PPARG: variants seen among roughly 807,000 people sequenced by gnomAD.
PPARG encodes the protein peroxisome proliferator-activated receptor gamma.
A neutral mutation model predicts 39.2 loss-of-function variants in PPARG; 17 were observed. The ratio of observed to expected loss-of-function variants is 0.43; its 90% CI spans 0.30 to 0.65. PPARG has a LOEUF of 0.65. PPARG is among the 30% of genes least tolerant of loss of function. PPARG has a pLI of 0.13. For synonymous variants in PPARG, 223 were observed against 215.7 expected (o/e 1.03, Z -0.30); for missense variants, 406 against 585.9 (o/e 0.69, Z 3.17).
chr3:12,305,767 G>A (rs186461300), intron 1 of PPARG: 1 of 152,276 alleles, frequency 6.6e-6, no homozygotes, highest in African/African-American at 2.4e-5. Flanking sequence ...TACTCATTAA[G>A]GTAACTTAGT....
Position 12,381,360 on chromosome 3 carries a change from T to G in PPARG, c.259T>G (p.Ser87Ala), listed in dbSNP as rs755081984. ...KVEPASPPYY[S>A]EKTQLYNKPH... ...GGAGCCTGCATCTCCACCTTATTAT[T>G]CTGAGAAGACTCAGCTCTACAATAA... The change falls in exon 4 of 8, where the codon TCT becomes GCT. Residue 87 changes from serine to alanine, a missense_variant. This residue lies in a region of PPARG where 131 missense variants were observed against 127.9 expected (regional missense o/e 1.02). Coordinates refer to ENST00000651735, the MANE Select transcript of PPARG (RefSeq NM_138711.6). The G allele has an allele frequency of 2.5e-6, 4 of 1,613,428 alleles. No individual in the cohort carries two copies. The South Asian group carries it at 4.4e-5, about 18-fold the overall frequency.
In PPARG at chr3:12,300,538, C is replaced by T. The variant is rs114954808; in HGVS notation, c.-83+11404C>T. Among the ~76,000 whole-genome samples, 1,433 of 151,278 alleles carry T rather than the reference C, an allele frequency of 9.5e-3. 20 individuals are homozygous for T. Among genetic ancestry groups the T allele is most frequent in the African/African-American group, 0.029 (1,217 of 41,316 alleles). ...TAAATGTCAGGTTGACTTTCTTTGT[C>T]CTATAACTTGTGTATGAAATATTTA... On this transcript the variant is annotated intron_variant, in intron 1 of 7. Coordinates refer to ENST00000651735, the MANE Select transcript of PPARG (RefSeq NM_138711.6).
At chr3:12,329,399 A>G (rs13082177) in intron 2 of PPARG, among the ~76,000 whole-genome samples, 3,375 of 152,326 alleles carry the variant, frequency 0.022, 56 homozygotes, top group Middle Eastern at 0.041. Context: ...TAAGGTTTGT[A>G]TGGCATGATA....
intron 2 of PPARG, among the ~76,000 whole-genome samples, chr3:12,350,687 C>A (rs538502834): frequency 2.2e-4 from 34 of 152,298 alleles, no homozygotes; most frequent in African/African-American, 7.9e-4. Context: ...TCCTCGCCAA[C>A]CTAACAGCGT....
intron 6 of PPARG, among the ~76,000 whole-genome samples, chr3:12,407,920 C>T (rs1016553996): frequency 2.6e-5 from 4 of 152,114 alleles, no homozygotes; most frequent in Non-Finnish European, 4.4e-5. Context: ...TTGTTAGGTT[C>T]GAGCCACATG....
chr3:12,430,297 T>C (rs942119312), intron 7 of PPARG, among the ~76,000 whole-genome samples: 2 of 152,236 alleles, frequency 1.3e-5, no homozygotes, highest in Admixed American at 1.3e-4. Context: ...TTCTCGCTCA[T>C]TAACTCAGTC....
upstream of PPARG, among the ~76,000 whole-genome samples, chr3:12,288,628 CA>C: frequency 6.6e-6 from 1 of 151,886 alleles, no homozygotes; most frequent in South Asian, 2.1e-4. Context: ...GTCCAGAGCC[CA>C]GGGGCGACCG....
At chr3:12,405,062 A>G (rs1047423542) in intron 5 of PPARG, among the ~76,000 whole-genome samples, 1 of 152,226 alleles carries the variant, frequency 6.6e-6, no homozygotes, top group African/African-American at 2.4e-5. Context: ...GTGTGTTCCC[A>G]AAGGAACATG....
intron 5 of PPARG, among the ~76,000 whole-genome samples, chr3:12,400,495 G>C (rs1463829248): frequency 6.6e-6 from 1 of 152,220 alleles, no homozygotes; most frequent in Non-Finnish European, 1.5e-5. Flanking sequence ...TTTCCCAGAA[G>C]TTAATGAGTC....
intron 2 of PPARG, among the ~76,000 whole-genome samples, chr3:12,320,683 T>C (rs2047517845): frequency 6.6e-6 from 1 of 152,122 alleles, no homozygotes; most frequent in Non-Finnish European, 1.5e-5. Context: ...GAGACCAGCG[T>C]AAGCAACATA....
chr3:12,397,521 C>A (rs1419564092), intron 5 of PPARG, among the ~76,000 whole-genome samples: 1 of 151,458 alleles, frequency 6.6e-6, no homozygotes, highest in African/African-American at 2.4e-5. Flanking sequence ...CACCATTCTC[C>A]TGCCTCACCC....
At chr3:12,316,509 A>G (rs558574686) in intron 2 of PPARG, among the ~76,000 whole-genome samples, 22 of 152,268 alleles carry the variant, frequency 1.4e-4, no homozygotes, top group African/African-American at 5.3e-4. Context: ...ATCCTGGAGA[A>G]TGGTTACACA....
intron 4 of PPARG, among the ~76,000 whole-genome samples, chr3:12,384,365 G>A (rs904763906): frequency 3.3e-5 from 5 of 152,006 alleles, no homozygotes; most frequent in Admixed American, 6.6e-5. Flanking sequence ...TTTATTCGGC[G>A]TAAAGATATA....
At chr3:12,369,831 A>G (rs1241721417) in intron 2 of PPARG, among the ~76,000 whole-genome samples, 1 of 152,150 alleles carries the variant, frequency 6.6e-6, no homozygotes, top group Non-Finnish European at 1.5e-5. Flanking sequence ...ATTTCTTGCT[A>G]TGTACTCATC....
chr3:12,414,287 G>A (rs1175582512), intron 6 of PPARG, among the ~76,000 whole-genome samples: 1 of 152,116 alleles, frequency 6.6e-6, no homozygotes, highest in Non-Finnish European at 1.5e-5. Flanking sequence ...CTTTTCAGGT[G>A]TCCAGATCAT....
intron 2 of PPARG, among the ~76,000 whole-genome samples, chr3:12,370,611 A>G (rs1407983149): frequency 2.6e-5 from 4 of 152,224 alleles, no homozygotes; most frequent in African/African-American, 9.6e-5. Flanking sequence ...TCCATCACAT[A>G]TTAAGCTCCT....
chr3:12,356,515 G>A (rs1488240499), intron 2 of PPARG, among the ~76,000 whole-genome samples: 8 of 152,094 alleles, frequency 5.3e-5, no homozygotes, highest in Admixed American at 4.6e-4. Context: ...TGCCTACAAG[G>A]GAATTATTCC....
chr3:12,316,389 A>G (rs931275379), intron 2 of PPARG, among the ~76,000 whole-genome samples: 2 of 152,146 alleles, frequency 1.3e-5, no homozygotes, highest in Admixed American at 1.3e-4. Context: ...AAAGTAGTCA[A>G]ATTTCGTAGA....
chr3:12,402,303 T>C (rs781264351), intron 5 of PPARG, among the ~76,000 whole-genome samples: 3 of 152,200 alleles, frequency 2.0e-5, no homozygotes, highest in Non-Finnish European at 4.4e-5. Context: ...TCTCTGAGTT[T>C]TACACCAGAA....
Sources: allele counts gnomAD v4.1 joint callset (sites outside exome capture counted in the v4.1 genomes callset), GRCh38; gene constraint gnomAD v4.1.1; regional missense constraint gnomAD v4.1.1; transcripts MANE v1.5; gene names NCBI Gene and HGNC (gene_info 2026-07-23, HGNC 2026-07-21).